The following RNH1 variants were observed in gnomAD, a reference collection of about 807,000 sequenced individuals.
The protein encoded by RNH1 is ribonuclease/angiogenin inhibitor 1, also known as ribonuclease inhibitor.
Under a neutral mutation model 46.1 loss-of-function variants are expected in RNH1, and 38 were observed. The observed-to-expected ratio is 0.82, with a 90% confidence interval of 0.64 to 1.08. RNH1 has a LOEUF of 1.08. Among genes scored for constraint, RNH1 ranks in the 50% least tolerant of loss-of-function variants. The pLI, the probability that RNH1 is intolerant of heterozygous loss-of-function variation, is 0.00. For synonymous variants in RNH1, 319 were observed against 279.1 expected, an observed-to-expected ratio of 1.14 and a Z score of -1.43; for missense variants, 577 against 590.7, an observed-to-expected ratio of 0.98 and a Z score of 0.24.
intron 2 of RNH1, chr11:503,041 G>A (rs1849903269): frequency 6.6e-6 from 1 of 152,286 alleles, no homozygotes; most frequent in Non-Finnish European, 1.5e-5. Context: ...CTTGGTTGGT[G>A]GATACATTCC....
chr11:499,200 A>C lies in RNH1; in HGVS notation c.444-15T>G, dbSNP rs1441040521. On this transcript the variant is annotated splice_polypyrimidine_tract_variant and intron_variant, in intron 5 of 10. Coordinates refer to ENST00000354420, the MANE Select transcript of RNH1 (RefSeq NM_203387.3). The stretch of plus-strand genomic sequence containing the variant: ...AATACTCCAGCCTGGGGGACAGCAG[A>C]GCTCAGCACCACACAGGAATGTGCA... 6.2e-7 allele frequency: 1 copy of C among 1,610,424 alleles called. No homozygotes were observed. The highest frequency in any genetic ancestry group is 1.3e-5 in the African/African-American group (1 of 74,874).
chr11:500,129 GC>G (rs1849608550), intron 4 of RNH1, 130 bp from the exon 5 acceptor site: 1 of 1,140,114 alleles, frequency 8.8e-7, no homozygotes, highest in African/African-American at 1.6e-5. Flanking sequence ...CCTGGACGGG[GC>G]TCTGGGGTCT....
rs377284611 is a variant in RNH1 at position 501,213 on chromosome 11, G to A, written c.102-559C>T. The A allele has an allele frequency of 8.6e-5, 18 of 209,584 alleles. No individual in the cohort carries two copies. Among genetic ancestry groups the A allele is most frequent in the South Asian group, 5.5e-4 (8 of 14,582 alleles). 13.0% of individuals were successfully genotyped at this position (209,584 alleles called of 1,614,324 possible). A position where few individuals can be genotyped will look rare whatever the true frequency, so the allele number is the denominator to read the frequency against. ...CGTCACAGTGGAGAGGGTGGCAGAC[G>A]GCGCCTGTGACAGGACGCTCCTGGC... On this transcript the variant is annotated intron_variant, in intron 3 of 10. Coordinates refer to ENST00000354420, the MANE Select transcript of RNH1 (RefSeq NM_203387.3). The surrounding 1 kb of genome is among the most constrained non-coding windows in gnomAD (Gnocchi z 4.1).
At chr11:500,333 G>T in intron 4 of RNH1, 151 bp downstream of exon 4, 1 of 942,596 alleles carries the variant, frequency 1.1e-6, no homozygotes, top group Non-Finnish European at 1.6e-6. Context: ...AGACCGCCAG[G>T]CCTGTGTGCC....
At chr11:507,046 G>A (rs1458774418) in intron 1 of RNH1, 67 bp downstream of exon 1, 1 of 152,330 alleles carries the variant, frequency 6.6e-6, no homozygotes, top group African/African-American at 2.4e-5. Flanking sequence ...GCGTCTACAA[G>A]AAGCCCGACC....
rs748497432 is a variant in RNH1 at position 498,027 on chromosome 11, G to A, written c.1071C>T (p.Gly357=). The A allele has an allele frequency of 1.2e-5, 20 of 1,613,992 alleles. No individual in the cohort carries two copies. Among genetic ancestry groups the A allele is most frequent in the Non-Finnish European group, 1.4e-5 (16 of 1,180,040 alleles). Reference sequence around the variant, plus strand: ...CCAGGCCCTGGCACAGCTCCCGCACGCCCGCATCCTCCAGCCTGTTGTTGC... The same window carrying A: ...CCAGGCCCTGGCACAGCTCCCGCACACCCGCATCCTCCAGCCTGTTGTTGC... ...QISNNRLEDA[G]VRELCQGLGQ... Residue 357 remains glycine, a synonymous_variant, in exon 9 of 11, where the codon GGC becomes GGT. Transcript: ENST00000354420.
At chr11:504,478 C>CCCAGGCGGGGGCGGGCGGAGCCT (rs1353787510) in intron 2 of RNH1, 15 of 152,234 alleles carry the variant, frequency 9.9e-5, no homozygotes, top group Admixed American at 8.5e-4. Context: ...GTTCCTTCCG[C>CCCAGGCGGGGGCGGGCGGAGCCT]CCAGGCGGGG....
intron 8 of RNH1, 90 bp downstream of exon 8, chr11:498,367 T>TCCCTGGAGTCGCTCACTCCTC: frequency 6.6e-7 from 1 of 1,513,776 alleles, no homozygotes; most frequent in South Asian, 1.2e-5. Context: ...CCCAGCAGCT[T>TCCCTGGAGTCGCTCACTCCTC]CCCTGGAGTC....
In RNH1 at chr11:495,054, C is replaced by A; in HGVS notation, c.1128-1G>T. 1 of 1,603,508 alleles carries A rather than the reference C, an allele frequency of 6.2e-7. No individual in the cohort carries two copies. Among genetic ancestry groups the A allele is most frequent in the East Asian group, 2.2e-5 (1 of 44,582 alleles). On this transcript the variant is annotated splice_acceptor_variant, in intron 9 of 10. Coordinates refer to ENST00000354420, the MANE Select transcript of RNH1 (RefSeq NM_203387.3). LOFTEE classifies it high-confidence loss of function. The stretch of plus-strand genomic sequence containing the variant: ...GTCACTCACATCGCAGTCGGCCAAC[C>A]TGGGTGAAGCAGGGCGGGGGTCAGG...
rs981710124 is a variant in RNH1, at chr11:498,492, G to C, written c.921C>G (p.Thr307=). 1.2e-6 allele frequency: 2 copies of C among 1,613,256 alleles called. No homozygotes were observed. Among genetic ancestry groups the C allele is most frequent in the Non-Finnish European group, 1.7e-6 (2 of 1,180,022 alleles). ...GDEGARLLCE[T]LLEPGCQLES... is the part of the protein sequence containing the mutation. ...CCAGCTGGCAGCCAGGTTCCAGCAG[G>C]GTCTCACACAGCAGTCGGGCACCCT... Residue 307 remains threonine, a synonymous_variant, in exon 8 of 11, where the codon ACC becomes ACG. Coordinates refer to ENST00000354420, the MANE Select transcript of RNH1 (RefSeq NM_203387.3).
chr11:495,271 A>G (rs959953195), intron 9 of RNH1, among the ~76,000 whole-genome samples: 2 of 152,218 alleles, frequency 1.3e-5, no homozygotes, highest in Non-Finnish European at 2.9e-5. Context: ...AAGCAGCCTC[A>G]CTCGCCTGAG....
rs1467036486 is a variant in RNH1 at position 498,825 on chromosome 11, A to G, written c.723T>C (p.Asp241=). ...ELALGSNKLG[D]VGMAELCPGL... ...CTGGGCACAGCTCCGCCATGCCCAC[A>G]TCACCCAGCTTGTTGCTGCCCAGGG... The change falls in exon 7 of 11, where the codon GAT becomes GAC. Residue 241 remains aspartate (D), a synonymous_variant. Coordinates refer to ENST00000354420, the MANE Select transcript of RNH1 (RefSeq NM_203387.3). 3.1e-6 allele frequency: 5 copies of G among 1,610,254 alleles called. No individual in the cohort carries two copies. The highest frequency in any genetic ancestry group is 2.2e-5 in the East Asian group (1 of 44,860).
At chr11:504,074 G>C (rs1183399400) in intron 2 of RNH1, among the ~76,000 whole-genome samples, 6 of 152,174 alleles carry the variant, frequency 3.9e-5, no homozygotes, top group Non-Finnish European at 4.4e-5. Flanking sequence ...CTTATCCGGA[G>C]ACCAGACTTT....
chr11:500,680 G>A (rs765587020), intron 3 of RNH1, 26 bp from the exon 4 acceptor site: 1 of 1,600,468 alleles, frequency 6.2e-7, no homozygotes, highest in East Asian at 2.2e-5. Flanking sequence ...AGGGTCATGT[G>A]GACCACGCAG....
intron 2 of RNH1, chr11:503,534 C>T (rs1849942006): frequency 6.6e-6 from 1 of 151,940 alleles, no homozygotes; most frequent in Non-Finnish European, 1.5e-5. Flanking sequence ...TGAATCCAAC[C>T]GACCCGAAGC....
chr11:494,768 T>C lies in RNH1; in HGVS notation c.1309A>G (p.Ile437Val), dbSNP rs1260033786. Reference protein sequence around the residue: ...CLLEQLVLYDIYWSEEMEDRL... With the variant: ...CLLEQLVLYDVYWSEEMEDRL... The stretch of plus-strand genomic sequence containing the variant: ...TCCTCCATCTCCTCAGACCAGTAAA[T>C]GTCGTACAGGCTGCACACAGGCCAG... The change falls in exon 11 of 11, where the codon ATT becomes GTT. Residue 437 changes from isoleucine to valine, a missense_variant. Ile to Val is a conservative substitution (Grantham distance 29). Transcript: ENST00000354420. 3.7e-6 allele frequency: 6 copies of C among 1,613,892 alleles called. No homozygotes were observed. The highest frequency in any genetic ancestry group is 5.1e-6 in the Non-Finnish European group (6 of 1,179,982).
rs2133863610 is a variant in RNH1 at position 494,987 on chromosome 11, G to A, written c.1194C>T (p.His398=). Residue 398 remains histidine, a synonymous_variant, in exon 10 of 11, where the codon CAC becomes CAT. Coordinates refer to ENST00000354420, the MANE Select transcript of RNH1 (RefSeq NM_203387.3). ...SSLAATLLAN[H]SLRELDLSNN... ...TGCTGAGGTCCAGCTCACGCAGGCT[G>A]TGGTTGGCCAACAGGGTTGCGGCGA... 1 of 1,605,422 alleles carries A rather than the reference G, an allele frequency of 6.2e-7. No individual in the cohort carries two copies. Among genetic ancestry groups the A allele is most frequent in the East Asian group, 2.2e-5 (1 of 44,616 alleles).
Position 499,059 on chromosome 11 carries a change from C to G in RNH1, c.570G>C (p.Leu190=). ...NDINEAGVRV[L]CQGLKDSPCQ... ...AGGGGGAGTCCTTCAGGCCCTGGCACAGCACACGGACGCCAGCCTCATTGA... is the reference window on the plus strand; with the variant it reads ...AGGGGGAGTCCTTCAGGCCCTGGCAGAGCACACGGACGCCAGCCTCATTGA... The change falls in exon 6 of 11, where the codon CTG becomes CTC. Residue 190 remains leucine (L), a synonymous_variant. Transcript: ENST00000354420. The G allele has an allele frequency of 1.2e-6, 2 of 1,613,210 alleles. No individual in the cohort carries two copies. Among genetic ancestry groups the G allele is most frequent in the Non-Finnish European group, 8.5e-7 (1 of 1,179,910 alleles).
Position 502,143 on chromosome 11 carries a change from C to A in RNH1, c.20G>T (p.Ser7Ile). Residue 7 changes from serine (S) to isoleucine (I), a missense_variant, in exon 3 of 11, where the codon AGC (serine) becomes ATC (isoleucine). Ser to Ile is a moderately radical substitution (Grantham distance 142, BLOSUM62 -2). Transcript: ENST00000354420. The surrounding 1 kb of genome is among the most constrained non-coding windows in gnomAD (Gnocchi z 5.8). ...CAGCTCCTCACACTGGATGTCCAGG[C>A]TCTGGATGTCCAGGCTCATGGTGGA... is the stretch of plus-strand genomic sequence containing the variant. Reference protein sequence around the residue: MSLDIQSLDIQCEELSD... With the variant: MSLDIQILDIQCEELSD... The A allele has an allele frequency of 8.0e-7, 1 of 1,251,220 alleles. No homozygotes were observed. The highest frequency in any genetic ancestry group is 1.1e-6 in the Non-Finnish European group (1 of 883,958). The allele number at this position is 1,251,220 out of a possible 1,614,324, so 77.5% of individuals were successfully genotyped here.
Sources: allele counts gnomAD v4.1 joint callset (sites outside exome capture counted in the v4.1 genomes callset), GRCh38; gene constraint gnomAD v4.1.1; non-coding constraint Gnocchi (gnomAD v3.1); transcripts MANE v1.5; gene names NCBI Gene and HGNC (gene_info 2026-07-23, HGNC 2026-07-21).